The following DIAPH2 variants were observed in gnomAD, a reference collection of about 807,000 sequenced individuals.
The protein encoded by DIAPH2 is diaphanous related formin 2.
A neutral mutation model predicts 92.7 loss-of-function variants in DIAPH2; 35 were observed. That is an observed-to-expected ratio of 0.38 (90% CI 0.29 to 0.50). DIAPH2 has a LOEUF of 0.50. Among genes scored for constraint, DIAPH2 ranks in the 20% least tolerant of loss-of-function variants. DIAPH2 has a pLI of 0.94. For missense variants in DIAPH2, 701 were observed against 819.5 expected, an observed-to-expected ratio of 0.86 and a Z score of 1.77; for synonymous variants, 301 against 280.4, an observed-to-expected ratio of 1.07 and a Z score of -0.73.
chrX:97,119,146 C>T (rs945727256), intron 21 of DIAPH2, among the ~76,000 whole-genome samples: 1 of 110,516 alleles, frequency 9.0e-6, no homozygotes, highest in African/African-American at 3.3e-5. Flanking sequence ...GGTCCTATTA[C>T]CAGAGTTGGT....
At chrX:96,949,284 A>G (rs773957054) in intron 15 of DIAPH2, among the ~76,000 whole-genome samples, 13 of 111,510 alleles carry the variant, frequency 1.2e-4, no homozygotes, top group Non-Finnish European at 2.3e-4. Context: ...TTACACAAGC[A>G]AAAGTGTTTT....
chrX:97,274,507 CAA>C (rs34298005), intron 23 of DIAPH2, among the ~76,000 whole-genome samples: 1 of 91,111 alleles, frequency 1.1e-5, no homozygotes. Flanking sequence ...GACTCCATCT[CAA>C]AAAAAAAAAA....
chrX:97,456,475 G>A (rs2070406810), intron 26 of DIAPH2, among the ~76,000 whole-genome samples: 1 of 111,550 alleles, frequency 9.0e-6, no homozygotes, highest in Admixed American at 9.5e-5. Flanking sequence ...TGTCTAGCTG[G>A]GGAGAAAAGA....
intron 17 of DIAPH2, among the ~76,000 whole-genome samples, chrX:97,052,521 A>C (rs2066527382): frequency 9.0e-6 from 1 of 110,706 alleles, no homozygotes; most frequent in Admixed American, 9.6e-5. Flanking sequence ...ATTGTTAAGA[A>C]ATTTGGAAGC....
At chrX:97,186,632 A>G (rs1163048362) in intron 22 of DIAPH2, among the ~76,000 whole-genome samples, 1 of 112,296 alleles carries the variant, frequency 8.9e-6, no homozygotes, top group African/African-American at 3.2e-5. Flanking sequence ...CAGAGTTGGG[A>G]GTGCTTCATT....
chrX:97,473,700 C>T (rs948405455), intron 26 of DIAPH2, among the ~76,000 whole-genome samples: 1 of 112,163 alleles, frequency 8.9e-6, no homozygotes, highest in African/African-American at 3.2e-5. Context: ...GTGGCTCACG[C>T]CTGTAATCCC....
intron 1 of DIAPH2, chrX:96,701,650 C>T (rs2063856193): frequency 9.0e-6 from 1 of 111,094 alleles, no homozygotes; most frequent in Non-Finnish European, 1.9e-5. Context: ...GTGGGATTAT[C>T]ATGTATGCAA....
chrX:97,221,250 G>C (rs2067922482), intron 22 of DIAPH2, among the ~76,000 whole-genome samples: 1 of 111,988 alleles, frequency 8.9e-6, no homozygotes, highest in Non-Finnish European at 1.9e-5. Flanking sequence ...AGTGTCCTTA[G>C]AGGATATGCA....
intron 1 of DIAPH2, among the ~76,000 whole-genome samples, chrX:96,693,927 C>T (rs1011412058): frequency 9.0e-6 from 1 of 111,553 alleles, no homozygotes; most frequent in Non-Finnish European, 1.9e-5. Flanking sequence ...CCCAGCTACT[C>T]GGGAGGCTGA....
intron 22 of DIAPH2, among the ~76,000 whole-genome samples, chrX:97,177,046 A>G (rs781326962): frequency 9.9e-5 from 11 of 111,465 alleles, no homozygotes; most frequent in Non-Finnish European, 1.5e-4. Context: ...TAGCCTGTAC[A>G]TGTTCAGTAC....
intron 1 of DIAPH2, among the ~76,000 whole-genome samples, chrX:96,686,243 T>C (rs2063770077): frequency 8.9e-6 from 1 of 112,091 alleles, no homozygotes; most frequent in East Asian, 2.8e-4. Flanking sequence ...AGCCGTTTCT[T>C]ATGGCATCTG....
At chrX:97,194,695 T>C (rs1227609140) in intron 22 of DIAPH2, among the ~76,000 whole-genome samples, 2 of 111,984 alleles carry the variant, frequency 1.8e-5, no homozygotes, top group African/African-American at 6.5e-5. Flanking sequence ...AGTATTGTTA[T>C]AGAGTTTAAG....
chrX:97,485,085 A>G lies in DIAPH2; in HGVS notation c.3241+55340A>G, dbSNP rs368849970. On this transcript the variant is annotated intron_variant, in intron 26 of 26. Transcript: ENST00000324765. ...ATGTGTAATTAAAGACCATTTAGGT[A>G]CTGAACTTGATGAATGAGAGGGAAA... Among the ~76,000 whole-genome samples, 10 of 111,703 alleles carry G rather than the reference A, an allele frequency of 9.0e-5. 1 individual carries two copies. The East Asian group carries it at 2.0e-3, about 22-fold the overall frequency.
intron 22 of DIAPH2, among the ~76,000 whole-genome samples, chrX:97,181,659 C>T (rs1281127493): frequency 1.8e-5 from 2 of 112,434 alleles, no homozygotes; most frequent in Admixed American, 1.9e-4. Flanking sequence ...ATCCACCCGC[C>T]TCGGCCTCCC....
At chrX:97,501,380 G>A (rs1338441155) in intron 26 of DIAPH2, among the ~76,000 whole-genome samples, 1 of 111,762 alleles carries the variant, frequency 8.9e-6, no homozygotes, top group African/African-American at 3.2e-5. Context: ...CAATTAGCAG[G>A]CAGTAGTTGC....
At chrX:97,313,902 A>G (rs971119542) in intron 23 of DIAPH2, among the ~76,000 whole-genome samples, 1 of 110,064 alleles carries the variant, frequency 9.1e-6, no homozygotes, top group East Asian at 2.9e-4. Context: ...GGCTTCCCAA[A>G]GTGCTAGGAT....
chrX:97,194,663 G>A (rs1472030376), intron 22 of DIAPH2, among the ~76,000 whole-genome samples: 1 of 111,665 alleles, frequency 9.0e-6, no homozygotes, highest in Non-Finnish European at 1.9e-5. Flanking sequence ...ATCATGATGA[G>A]AGGGGAGGGG....
At chrX:97,095,435 T>C (rs1030886057) in intron 19 of DIAPH2, among the ~76,000 whole-genome samples, 39 of 108,172 alleles carry the variant, frequency 3.6e-4, no homozygotes, top group African/African-American at 1.3e-3. Flanking sequence ...GTTTCTTATC[T>C]AGATTTTTAA....
intron 3 of DIAPH2, among the ~76,000 whole-genome samples, chrX:96,745,068 G>A (rs185093718): frequency 1.4e-3 from 155 of 107,205 alleles, no homozygotes; most frequent in African/African-American, 4.5e-3. Context: ...GTGCAATGGC[G>A]CGATCTTGGT....
Sources: allele counts gnomAD v4.1 joint callset (sites outside exome capture counted in the v4.1 genomes callset), GRCh38; gene constraint gnomAD v4.1.1; transcripts MANE v1.5; gene names NCBI Gene and HGNC (gene_info 2026-07-23, HGNC 2026-07-21).